AFF2: variants seen among roughly 807,000 people sequenced by gnomAD.
AFF2 encodes the protein AF4/FMR2 family member 2.
In AFF2, 14 loss-of-function variants were observed where a neutral mutation model predicts 76.9. That is an observed-to-expected ratio of 0.18 (90% CI 0.12 to 0.28). The LOEUF is 0.28. Among genes scored for constraint, AFF2 ranks in the 10% least tolerant of loss-of-function variants. The pLI is 1.00. For synonymous variants in AFF2, 398 were observed against 366.7 expected (o/e 1.09, Z -0.98); for missense variants, 868 against 1,001.1 (o/e 0.87, Z 1.79).
chrX:148,772,647 A>G (rs2069604059), intron 3 of AFF2, among the ~76,000 whole-genome samples: 1 of 107,518 alleles, frequency 9.3e-6, no homozygotes, highest in African/African-American at 3.4e-5. Flanking sequence ...TTCAGATGCA[A>G]TTTGTTTGTC....
chrX:148,630,547 C>T (rs1557252889), intron 1 of AFF2, among the ~76,000 whole-genome samples: 1 of 111,535 alleles, frequency 9.0e-6, no homozygotes, highest in Non-Finnish European at 1.9e-5. Context: ...CGCCCATTGC[C>T]CTCACTCCCG....
chrX:148,834,819 T>C (rs1357614409), intron 4 of AFF2, among the ~76,000 whole-genome samples: 1 of 111,915 alleles, frequency 8.9e-6, no homozygotes, highest in East Asian at 2.8e-4. Flanking sequence ...ACTTTACAAG[T>C]CTAATTCATT....
chrX:148,987,941 C>T (rs1243340852), intron 20 of AFF2, among the ~76,000 whole-genome samples: 1 of 111,535 alleles, frequency 9.0e-6, no homozygotes, highest in Admixed American at 9.5e-5. Context: ...TGAACTAAGG[C>T]CTTCAACCTT....
At chrX:148,965,933 A>G (rs1253109165) in intron 13 of AFF2, among the ~76,000 whole-genome samples, 2 of 111,825 alleles carry the variant, frequency 1.8e-5, no homozygotes, top group African/African-American at 6.5e-5. Context: ...AACAGTCAGG[A>G]GAGTCCCACA....
chrX:148,670,505 G>C (rs782096646), intron 3 of AFF2, among the ~76,000 whole-genome samples: 2 of 111,752 alleles, frequency 1.8e-5, no homozygotes, highest in Admixed American at 1.9e-4. Context: ...CTAAGGATAA[G>C]CCAGTTTATC....
chrX:148,945,184 G>C (rs1459086171), intron 9 of AFF2, among the ~76,000 whole-genome samples: 1 of 111,579 alleles, frequency 9.0e-6, no homozygotes, highest in Non-Finnish European at 1.9e-5. Flanking sequence ...GTGCTCACAG[G>C]AAAGAAACAT....
chrX:148,951,032 C>T (rs1189933459), intron 9 of AFF2, among the ~76,000 whole-genome samples: 1 of 111,417 alleles, frequency 9.0e-6, no homozygotes, highest in Non-Finnish European at 1.9e-5. Context: ...GGTGCTTATC[C>T]AGATCCCACT....
chrX:148,676,385 T>C (rs2054485019), intron 3 of AFF2, among the ~76,000 whole-genome samples: 1 of 111,730 alleles, frequency 9.0e-6, no homozygotes, highest in Non-Finnish European at 1.9e-5. Flanking sequence ...TCTTACAGAC[T>C]GTTTGAAAGA....
At chrX:148,670,790 C>T (rs1159651296) in intron 3 of AFF2, among the ~76,000 whole-genome samples, 1 of 111,890 alleles carries the variant, frequency 8.9e-6, no homozygotes, top group African/African-American at 3.3e-5. Context: ...TTTCAGTGTG[C>T]TTCCCCAAGG....
chrX:148,953,896 A>G (rs1305391438), intron 10 of AFF2, among the ~76,000 whole-genome samples, 157 bp downstream of exon 10: 1 of 112,426 alleles, frequency 8.9e-6, no homozygotes, highest in Non-Finnish European at 1.9e-5. Flanking sequence ...AAGTACCCAG[A>G]TTTTTAACAG....
rs140788054 is a variant in AFF2, at chrX:148,719,213, G to A, written c.1041+56445G>A. ...TCAAAAGGAGGCACCAAGCATTTCCGTCCTTCTTCAAGATGAAGGTAGGCA... is the reference window on the plus strand; with the variant it reads ...TCAAAAGGAGGCACCAAGCATTTCCATCCTTCTTCAAGATGAAGGTAGGCA... On this transcript the variant is annotated intron_variant, in intron 3 of 20. Transcript: ENST00000370460. The A allele has an allele frequency of 9.8e-3, 11,237 of 1,147,270 alleles. 61 individuals are homozygous for A. Among genetic ancestry groups the A allele is most frequent in the Middle Eastern group, 0.015 (62 of 4,275 alleles). The allele number at this position is 1,147,270 out of a possible 1,213,427, so 94.5% of individuals were successfully genotyped here.
intron 7 of AFF2, among the ~76,000 whole-genome samples, chrX:148,855,078 A>C (rs1557275787): frequency 1.8e-5 from 2 of 111,552 alleles, no homozygotes; most frequent in East Asian, 5.7e-4. Context: ...AATCTGTTGG[A>C]CAATATCAAG....
intron 3 of AFF2, among the ~76,000 whole-genome samples, chrX:148,674,340 T>C (rs1238256905): frequency 4.5e-5 from 5 of 112,107 alleles, no homozygotes; most frequent in African/African-American, 1.6e-4. Context: ...CTAGACAAAG[T>C]TTCACACAGC....
intron 4 of AFF2, among the ~76,000 whole-genome samples, chrX:148,812,632 T>C (rs2070218349): frequency 9.0e-6 from 1 of 111,312 alleles, no homozygotes; most frequent in Non-Finnish European, 1.9e-5. Flanking sequence ...ATCCCCCTTT[T>C]TTCCCTCCAC....
rs781910568 is a variant in AFF2, at chrX:148,631,966, A to G, written c.48-20033A>G. 3.6e-5 allele frequency among the ~76,000 whole-genome samples: 4 copies of G among 111,782 alleles called. No individual in the cohort carries two copies. The South Asian group carries it at 1.5e-3, about 42-fold the overall frequency. On this transcript the variant is annotated intron_variant, in intron 1 of 20. Coordinates refer to ENST00000370460, the MANE Select transcript of AFF2 (RefSeq NM_002025.4). ...CAGTAAGAGACCATGTAAGGCACAG[A>G]TGAATAACATGTGTCTTAGTGTCTA...
intron 1 of AFF2, among the ~76,000 whole-genome samples, chrX:148,523,642 A>T (rs1004887210): frequency 8.0e-5 from 9 of 112,837 alleles, no homozygotes; most frequent in African/African-American, 2.6e-4. Context: ...GTTTGATTTC[A>T]TGCAAAAAAA....
At chrX:148,542,972 C>A (rs1014612312) in intron 1 of AFF2, among the ~76,000 whole-genome samples, 1 of 111,777 alleles carries the variant, frequency 8.9e-6, no homozygotes, top group Non-Finnish European at 1.9e-5. Context: ...AAATCTGTTT[C>A]TGAAACCAGT....
At chrX:148,596,640 A>G in intron 1 of AFF2, among the ~76,000 whole-genome samples, 1 of 112,421 alleles carries the variant, frequency 8.9e-6, no homozygotes, top group Middle Eastern at 4.6e-3. Context: ...AAATAGTGAT[A>G]TGCTGAATGC....
intron 7 of AFF2, among the ~76,000 whole-genome samples, chrX:148,862,687 C>G (rs1254923408): frequency 1.1e-5 from 1 of 94,062 alleles, no homozygotes; most frequent in African/African-American, 3.9e-5. Context: ...CTGGCAAGAA[C>G]TAGAATTTCT....
Sources: gnomAD v4.1 joint callset for allele counts (sites outside exome capture counted in the v4.1 genomes callset) on GRCh38, gnomAD v4.1.1 for gene constraint, MANE v1.5 for transcripts, NCBI Gene and HGNC (gene_info 2026-07-23, HGNC 2026-07-21) for gene names.